Variants in STAC observed in about 807,000 individuals in gnomAD.
STAC encodes SH3 and cysteine-rich domain-containing protein.
Under a neutral mutation model 48.8 loss-of-function variants are expected in STAC, and 43 were observed. The observed-to-expected ratio is 0.88, with a 90% CI of 0.69 to 1.14. The LOEUF (loss-of-function observed/expected upper bound fraction) is 1.14. Ranked by LOEUF, STAC falls within the 50% of genes most tolerant of loss-of-function variation. The pLI is 0.00. For synonymous variants in STAC, 193 were observed against 179.5 expected (o/e 1.07, Z -0.60); for missense variants, 497 against 504.0 (o/e 0.99, Z 0.13).
At chr3:36,454,046 G>A (rs1488929895) in intron 2 of STAC, among the ~76,000 whole-genome samples, 1 of 152,130 alleles carries the variant, frequency 6.6e-6, no homozygotes, top group Non-Finnish European at 1.5e-5. Flanking sequence ...TCAGCGCCCT[G>A]TCAAAACAGA....
chr3:36,444,816 C>T (rs73065742), intron 2 of STAC, among the ~76,000 whole-genome samples: 198 of 152,170 alleles, frequency 1.3e-3, no homozygotes, highest in African/African-American at 4.4e-3. Flanking sequence ...TAAGTCTTGG[C>T]GCTCCCACCC....
intron 1 of STAC, among the ~76,000 whole-genome samples, chr3:36,417,014 G>A (rs930216175): frequency 2.0e-5 from 3 of 151,906 alleles, no homozygotes; most frequent in African/African-American, 4.8e-5. Context: ...TTTTGGCCAG[G>A]GAGAACTTTG....
At chr3:36,501,145 G>A (rs1283935301) in intron 6 of STAC, among the ~76,000 whole-genome samples, 1 of 151,988 alleles carries the variant, frequency 6.6e-6, no homozygotes, top group Non-Finnish European at 1.5e-5. Context: ...ATAAAGACTG[G>A]AATATATTTA....
chr3:36,395,905 C>T (rs1015632889), intron 1 of STAC, among the ~76,000 whole-genome samples: 2 of 148,946 alleles, frequency 1.3e-5, no homozygotes, highest in African/African-American at 5.0e-5. Flanking sequence ...TGATTTTTGG[C>T]TTCTATAAGC....
At chr3:36,513,018 G>T (rs1466868415) in intron 8 of STAC, among the ~76,000 whole-genome samples, 1 of 152,066 alleles carries the variant, frequency 6.6e-6, no homozygotes, top group Non-Finnish European at 1.5e-5. Context: ...AGTACACTGG[G>T]TATTGACCTC....
intron 2 of STAC, among the ~76,000 whole-genome samples, chr3:36,448,421 A>G (rs376911379): frequency 1.3e-5 from 2 of 152,010 alleles, no homozygotes; most frequent in African/African-American, 4.8e-5. Flanking sequence ...GGGGTTTCGC[A>G]TGTTGGCCAG....
intron 1 of STAC, among the ~76,000 whole-genome samples, chr3:36,437,172 T>C (rs1700855514): frequency 1.3e-5 from 2 of 151,366 alleles, no homozygotes; most frequent in African/African-American, 4.9e-5. Flanking sequence ...TTTTACACTG[T>C]TGGTGGGACT....
Position 36,405,197 on chromosome 3 carries a change from C to A in STAC, c.111+24443C>A, listed in dbSNP as rs963765658. Among the ~76,000 whole-genome samples the A allele has an allele frequency of 6.6e-5, 10 of 152,242 alleles. No individual in the cohort carries two copies. The South Asian group carries it at 1.9e-3, about 28-fold the overall frequency. ...CACCTTGGGGCCACCCATGCTTAAA[C>A]CCGAATGCAAACCCCTCAGCCACCA... On this transcript the variant is annotated intron_variant, in intron 1 of 10. Transcript: ENST00000273183.
intron 10 of STAC, 108 bp downstream of exon 10, chr3:36,529,093 T>C: frequency 8.7e-7 from 1 of 1,146,070 alleles, no homozygotes; most frequent in Non-Finnish European, 1.2e-6. Flanking sequence ...ATTCAAAGTA[T>C]TCACTTTGAG....
chr3:36,430,992 T>C (rs1386268489), intron 1 of STAC, among the ~76,000 whole-genome samples: 2 of 152,202 alleles, frequency 1.3e-5, no homozygotes, highest in East Asian at 1.9e-4. Context: ...TGAGGAGGGA[T>C]ACAATTCACC....
intron 10 of STAC, 65 bp from the exon 11 acceptor site, chr3:36,546,126 G>A (rs759312664): frequency 1.5e-6 from 2 of 1,363,052 alleles, no homozygotes; most frequent in Non-Finnish European, 2.1e-6. Context: ...GATTCAAGCT[G>A]CAGGTTCTAA....
chr3:36,422,902 T>C (rs1448417608), intron 1 of STAC, among the ~76,000 whole-genome samples: 2 of 152,130 alleles, frequency 1.3e-5, no homozygotes, highest in Non-Finnish European at 2.9e-5. Flanking sequence ...ATAGAAAATA[T>C]ACTAGTGAGG....
chr3:36,460,388 G>T (rs895422737), intron 2 of STAC, among the ~76,000 whole-genome samples: 1 of 152,128 alleles, frequency 6.6e-6, no homozygotes, highest in Non-Finnish European at 1.5e-5. Flanking sequence ...TTTTTAATAG[G>T]TCACTGGCAA....
chr3:36,421,978 T>A (rs1700461837), intron 1 of STAC, among the ~76,000 whole-genome samples: 1 of 152,194 alleles, frequency 6.6e-6, no homozygotes, highest in East Asian at 1.9e-4. Context: ...GTAGAGAGTA[T>A]ATAAAATTTA....
At chr3:36,417,763 G>A (rs574964743) in intron 1 of STAC, among the ~76,000 whole-genome samples, 1 of 152,158 alleles carries the variant, frequency 6.6e-6, no homozygotes, top group South Asian at 2.1e-4. Flanking sequence ...GACAGATTAT[G>A]TATTATAGAA....
chr3:36,435,877 C>T (rs950638227), intron 1 of STAC, among the ~76,000 whole-genome samples: 1 of 152,290 alleles, frequency 6.6e-6, no homozygotes. Flanking sequence ...CTCTTTGAGT[C>T]TTCTCCTTCC....
intron 1 of STAC, among the ~76,000 whole-genome samples, chr3:36,434,405 T>C (rs1199570585): frequency 2.0e-5 from 3 of 152,160 alleles, no homozygotes; most frequent in African/African-American, 7.2e-5. Context: ...AAATGTCCAT[T>C]TAAAAATCAA....
intron 1 of STAC, among the ~76,000 whole-genome samples, chr3:36,438,340 A>G (rs192933265): frequency 6.6e-6 from 1 of 152,342 alleles, no homozygotes; most frequent in Admixed American, 6.5e-5. Context: ...GGTTCTGAAG[A>G]ATATCTGTTT....
intron 1 of STAC, among the ~76,000 whole-genome samples, chr3:36,424,769 A>G (rs1383180400): frequency 6.6e-6 from 1 of 152,212 alleles, no homozygotes; most frequent in Non-Finnish European, 1.5e-5. Context: ...GCTCTGAATG[A>G]GCAAACCTGG....
Sources: gnomAD v4.1 joint callset for allele counts (sites outside exome capture counted in the v4.1 genomes callset) on GRCh38, gnomAD v4.1.1 for gene constraint, MANE v1.5 for transcripts, NCBI Gene and HGNC (gene_info 2026-07-23, HGNC 2026-07-21) for gene names.